Variants in KCNQ3 observed in about 807,000 individuals in gnomAD.
KCNQ3 encodes potassium voltage-gated channel subfamily KQT member 3.
In KCNQ3, 30 loss-of-function variants were observed where a neutral mutation model predicts 92.5. That is an observed-to-expected ratio of 0.32 (90% CI 0.24 to 0.44). The LOEUF is 0.44. Among genes scored for constraint, KCNQ3 ranks in the 20% least tolerant of loss-of-function variants. The pLI is 1.00. For missense variants in KCNQ3, 913 were observed against 1,140.3 expected, an observed-to-expected ratio of 0.80 and a Z score of 2.87; for synonymous variants, 450 against 468.8, an observed-to-expected ratio of 0.96 and a Z score of 0.52.
chr8:132,389,276 G>A (rs1819985652), intron 1 of KCNQ3, among the ~76,000 whole-genome samples: 1 of 152,086 alleles, frequency 6.6e-6, no homozygotes. Flanking sequence ...AGCCAACATG[G>A]TGAAACCCCG....
At chr8:132,143,395 C>T (rs111639619) in intron 9 of KCNQ3, among the ~76,000 whole-genome samples, 2,728 of 152,280 alleles carry the variant, frequency 0.018, 95 homozygotes, top group African/African-American at 0.063. Flanking sequence ...CATGCCTGCC[C>T]GCCCCACTGG....
intron 1 of KCNQ3, among the ~76,000 whole-genome samples, chr8:132,361,170 G>C (rs1563878486): frequency 6.6e-6 from 1 of 152,190 alleles, no homozygotes; most frequent in South Asian, 2.1e-4. Context: ...TGGTATGCGA[G>C]ACTCCAAAGT....
intron 1 of KCNQ3, among the ~76,000 whole-genome samples, chr8:132,437,774 A>C (rs1821433856): frequency 6.6e-6 from 1 of 152,206 alleles, no homozygotes; most frequent in Non-Finnish European, 1.5e-5. Context: ...ACTCTGTCCC[A>C]GGCCCCAAAT....
chr8:132,189,643 G>A (rs1479979671), intron 1 of KCNQ3, among the ~76,000 whole-genome samples: 7 of 151,922 alleles, frequency 4.6e-5, no homozygotes, highest in African/African-American at 1.2e-4. Context: ...CCTGACCAAC[G>A]TGGAGAAACT....
At chr8:132,312,545 G>A (rs1817625724) in intron 1 of KCNQ3, among the ~76,000 whole-genome samples, 1 of 152,136 alleles carries the variant, frequency 6.6e-6, no homozygotes, top group African/African-American at 2.4e-5. Context: ...ATAGAATGGT[G>A]ATATGGTTTG....
intron 1 of KCNQ3, among the ~76,000 whole-genome samples, chr8:132,293,721 GTCATA>G (rs1476392934): frequency 2.0e-5 from 3 of 152,138 alleles, no homozygotes; most frequent in African/African-American, 7.2e-5. Context: ...GGGGAGGCGT[GTCATA>G]TCTCTTTGGG....
In KCNQ3 at chr8:132,170,344, G is replaced by T. The variant is rs1826288528; in HGVS notation, c.1225C>A (p.Pro409Thr). 6.2e-7 allele frequency: 1 copy of T among 1,613,414 alleles called. No individual in the cohort carries two copies. Among genetic ancestry groups the T allele is most frequent in the African/African-American group, 1.3e-5 (1 of 74,882 alleles). ...TGAGTCCCCACTTGCCTGAAGAAAG[G>T]AAAAGAGACGACTGATTCATAAAAT... ...WRFYESVVSFPFFRKEQLEAA... is the reference protein window; with the variant it reads ...WRFYESVVSFTFFRKEQLEAA... The change falls in exon 8 of 15, where the codon CCT (proline) becomes ACT (threonine). Residue 409 changes from proline (P) to threonine (T), a missense_variant. Pro to Thr is a conservative substitution (Grantham distance 38). Around this residue, in one of 6 missense-constraint regions of KCNQ3, gnomAD observed 182 missense variants for 234.5 expected, o/e 0.78. Transcript: ENST00000388996.
intron 1 of KCNQ3, among the ~76,000 whole-genome samples, chr8:132,456,817 T>C (rs1395098743): frequency 1.3e-5 from 2 of 152,138 alleles, no homozygotes; most frequent in African/African-American, 4.8e-5. Flanking sequence ...TTTCATCACA[T>C]TGCTCAAGCT....
intron 1 of KCNQ3, among the ~76,000 whole-genome samples, chr8:132,243,328 T>C (rs1207224914): frequency 6.6e-6 from 1 of 152,090 alleles, no homozygotes; most frequent in African/African-American, 2.4e-5. Flanking sequence ...ACTGACACTA[T>C]CAAAAAGGGA....
intron 1 of KCNQ3, among the ~76,000 whole-genome samples, chr8:132,410,612 C>A (rs1449270759): frequency 2.0e-5 from 3 of 152,252 alleles, no homozygotes; most frequent in Admixed American, 2.0e-4. Context: ...GCAGCTGCAG[C>A]AGCAGCCACC....
intron 9 of KCNQ3, among the ~76,000 whole-genome samples, chr8:132,142,062 A>G (rs1441951971): frequency 6.6e-6 from 1 of 152,190 alleles, no homozygotes; most frequent in African/African-American, 2.4e-5. Context: ...TCAATCTGCC[A>G]CCAGGTTCAT....
At chr8:132,198,080 T>C (rs575449444) in intron 1 of KCNQ3, among the ~76,000 whole-genome samples, 7 of 152,174 alleles carry the variant, frequency 4.6e-5, no homozygotes, top group South Asian at 2.1e-4. Flanking sequence ...ATTCTGTGAT[T>C]AGGTTACAAA....
chr8:132,246,935 A>G lies in KCNQ3; in HGVS notation c.387-60754T>C. On this transcript the variant is annotated intron_variant, in intron 1 of 14. Transcript: ENST00000388996. ...GGGAGAATACTGGCAGCCCCATCAT[A>G]AAGTTCATGTAAAGATCAGACGTTT... Among the ~76,000 whole-genome samples, 2 of 152,234 alleles carry G rather than the reference A, an allele frequency of 1.3e-5. 1 individual carries two copies. The highest frequency in any genetic ancestry group is 1.3e-4 in the Admixed American group (2 of 15,288).
intron 1 of KCNQ3, among the ~76,000 whole-genome samples, chr8:132,198,706 C>A (rs867285718): frequency 1.3e-5 from 2 of 152,072 alleles, no homozygotes; most frequent in Non-Finnish European, 2.9e-5. Context: ...ACTTGGGAGG[C>A]TGAGGCAGGA....
chr8:132,132,346 C>A, intron 13 of KCNQ3, 82 bp from the exon 14 acceptor site: 1 of 1,031,826 alleles, frequency 9.7e-7, no homozygotes, highest in Non-Finnish European at 1.5e-6. Context: ...AGGCCATGGC[C>A]AACAGAGCCA....
At chr8:132,287,831 T>C (rs909606057) in intron 1 of KCNQ3, among the ~76,000 whole-genome samples, 2 of 152,296 alleles carry the variant, frequency 1.3e-5, no homozygotes, top group African/African-American at 2.4e-5. Flanking sequence ...AGGGCTTCTA[T>C]TTGGGTGTCA....
At chr8:132,468,933 G>T (rs1822240606) in intron 1 of KCNQ3, among the ~76,000 whole-genome samples, 1 of 152,148 alleles carries the variant, frequency 6.6e-6, no homozygotes, top group Non-Finnish European at 1.5e-5. Context: ...AACCCAATTT[G>T]TTCCCTAGAG....
At position 132,183,333 on chromosome 8, in the gene KCNQ3, T is replaced by G. The variant is rs1044819454; in HGVS notation, c.604+908A>C. Among the ~76,000 whole-genome samples, 5 of 151,922 alleles carry G rather than the reference T, an allele frequency of 3.3e-5. No individual in the cohort carries two copies. In the East Asian group the frequency reaches 9.6e-4, roughly 29 times the overall value. ...TTGAAGAGTGTCAGAGGAGTTAAAA[T>G]GAGATAAATGCCTGGATGAGTGGTG... is the stretch of plus-strand genomic sequence containing the variant. On this transcript the variant is annotated intron_variant, in intron 3 of 14. Coordinates refer to ENST00000388996, the MANE Select transcript of KCNQ3 (RefSeq NM_004519.4).
In KCNQ3 at chr8:132,401,320, T is replaced by C. The variant is rs2721903; in HGVS notation, c.386+78827A>G. Among the ~76,000 whole-genome samples, 137 of 151,942 alleles carry C rather than the reference T, an allele frequency of 9.0e-4. 1 individual carries two copies. The Middle Eastern group carries it at 0.02, about 23-fold the overall frequency. On this transcript the variant is annotated intron_variant, in intron 1 of 14. Coordinates refer to ENST00000388996, the MANE Select transcript of KCNQ3 (RefSeq NM_004519.4). Reference sequence around the variant, plus strand: ...CACCCACTTCCACTCCACTGTCCCATGTCCCTTTTATCCCCATGAATACGG... The same window carrying C: ...CACCCACTTCCACTCCACTGTCCCACGTCCCTTTTATCCCCATGAATACGG...
Sources: gnomAD v4.1 joint callset for allele counts (sites outside exome capture counted in the v4.1 genomes callset) on GRCh38, gnomAD v4.1.1 for gene constraint, gnomAD v4.1.1 regional missense constraint, MANE v1.5 for transcripts, NCBI Gene and HGNC (gene_info 2026-07-23, HGNC 2026-07-21) for gene names.